CSMD1: variants seen among roughly 807,000 people sequenced by gnomAD.
CSMD1 encodes CUB and sushi domain-containing protein 1.
CSMD1 carries 213 observed loss-of-function variants against 417.5 expected under a neutral mutation model. The ratio of observed to expected loss-of-function variants is 0.51; its 90% CI spans 0.46 to 0.57. CSMD1 has a LOEUF of 0.57. Ranked by LOEUF, CSMD1 falls within the 20% of genes least tolerant of loss-of-function variation. The pLI, the probability that CSMD1 is intolerant of heterozygous loss-of-function variation, is 0.00. For missense variants in CSMD1, 6,923 were observed against 4,529.7 expected (o/e 1.53, Z -15.17); for synonymous variants, 2,862 against 1,736.8 (o/e 1.65, Z -16.11).
At chr8:4,338,869 G>C (rs144292153) in intron 3 of CSMD1, among the ~76,000 whole-genome samples, 1 of 152,022 alleles carries the variant, frequency 6.6e-6, no homozygotes, top group Admixed American at 6.6e-5. Flanking sequence ...AATTATGGAA[G>C]GTTTAGAAGA....
chr8:3,935,673 T>C (rs1225892648), intron 5 of CSMD1, among the ~76,000 whole-genome samples: 3 of 152,190 alleles, frequency 2.0e-5, no homozygotes, highest in Non-Finnish European at 4.4e-5. Flanking sequence ...TAAATGTGTG[T>C]GTTCTGACTG....
chr8:3,643,086 G>A (rs1372261965), intron 7 of CSMD1, among the ~76,000 whole-genome samples: 1 of 152,004 alleles, frequency 6.6e-6, no homozygotes, highest in Non-Finnish European at 1.5e-5. Context: ...GAGGGAGAGA[G>A]ACAGGCATGC....
intron 49 of CSMD1, among the ~76,000 whole-genome samples, chr8:3,081,649 G>A (rs1814105669): frequency 6.6e-6 from 1 of 152,152 alleles, no homozygotes; most frequent in Non-Finnish European, 1.5e-5. Context: ...TTGACCAAAT[G>A]TGAGATACTG....
chr8:3,010,375 T>A (rs1808291196), intron 52 of CSMD1, among the ~76,000 whole-genome samples: 1 of 152,210 alleles, frequency 6.6e-6, no homozygotes, highest in African/African-American at 2.4e-5. Flanking sequence ...TGCATGTGCA[T>A]CAGGACTCAG....
intron 5 of CSMD1, among the ~76,000 whole-genome samples, chr8:3,984,759 GTA>G (rs1814190507): frequency 2.4e-5 from 3 of 124,518 alleles, no homozygotes; most frequent in African/African-American, 8.9e-5. Flanking sequence ...ATATTTGTAT[GTA>G]TTTGTGCGTG....
intron 3 of CSMD1, among the ~76,000 whole-genome samples, chr8:4,115,802 T>C (rs1340699346): frequency 1.3e-5 from 2 of 151,652 alleles, no homozygotes; most frequent in African/African-American, 4.8e-5. Context: ...GGAATGTAAA[T>C]CATATTTCTC....
At chr8:3,527,263 G>A (rs1433592860) in intron 10 of CSMD1, among the ~76,000 whole-genome samples, 1 of 152,148 alleles carries the variant, frequency 6.6e-6, no homozygotes, top group Admixed American at 6.6e-5. Flanking sequence ...GGCGCTGATA[G>A]GGAATTATAA....
intron 3 of CSMD1, among the ~76,000 whole-genome samples, chr8:4,376,977 C>T (rs1802789721): frequency 6.6e-6 from 1 of 152,160 alleles, no homozygotes; most frequent in South Asian, 2.1e-4. Context: ...TGCTGAGCAC[C>T]AGCATGGCAG....
intron 3 of CSMD1, among the ~76,000 whole-genome samples, chr8:4,371,438 G>A (rs771915097): frequency 2.6e-5 from 4 of 152,112 alleles, no homozygotes; most frequent in Non-Finnish European, 4.4e-5. Flanking sequence ...TTTTTAAGGA[G>A]GAAATGGAGC....
chr8:3,708,404 A>C lies in CSMD1; in HGVS notation c.1009+10T>G, dbSNP rs1255597834. The C allele has an allele frequency of 2.5e-6, 4 of 1,612,172 alleles. No individual in the cohort carries two copies. The Admixed American group carries it at 5.0e-5, about 20-fold the overall frequency. The stretch of plus-strand genomic sequence containing the variant: ...GTATCAATCCTCAGATAGAAAGGAA[A>C]GGGACTCACAGACAGAGTTTTTATG... On this transcript the variant is annotated intron_variant, in intron 7 of 69. Transcript: ENST00000635120.
chr8:4,062,027 C>T (rs906676951), intron 3 of CSMD1, among the ~76,000 whole-genome samples: 7 of 152,050 alleles, frequency 4.6e-5, no homozygotes, highest in Non-Finnish European at 8.8e-5. Flanking sequence ...GAGGAGAGCA[C>T]GCAGGTGGTG....
chr8:4,252,560 A>C (rs890477777), intron 3 of CSMD1, among the ~76,000 whole-genome samples: 1 of 152,218 alleles, frequency 6.6e-6, no homozygotes, highest in Non-Finnish European at 1.5e-5. Flanking sequence ...CCTATGACAG[A>C]AACTGCTACT....
intron 4 of CSMD1, among the ~76,000 whole-genome samples, chr8:4,023,049 T>C (rs889509858): frequency 1.3e-5 from 2 of 152,230 alleles, no homozygotes; most frequent in Non-Finnish European, 2.9e-5. Context: ...GATGCTTCCA[T>C]TTCCTGGCTC....
intron 5 of CSMD1, among the ~76,000 whole-genome samples, chr8:3,790,956 G>A (rs185156413): frequency 1.3e-5 from 2 of 152,250 alleles, no homozygotes; most frequent in African/African-American, 4.8e-5. Flanking sequence ...TTAACTCACA[G>A]GAAAGATGGT....
chr8:3,396,658 T>A (rs1310260531), intron 16 of CSMD1, among the ~76,000 whole-genome samples: 2 of 152,172 alleles, frequency 1.3e-5, no homozygotes, highest in Non-Finnish European at 2.9e-5. Context: ...ACAAAAATAC[T>A]ATGAACCAGA....
chr8:4,360,258 T>A (rs10094075), intron 3 of CSMD1, among the ~76,000 whole-genome samples: 12,680 of 152,132 alleles, frequency 0.083, 807 homozygotes, highest in African/African-American at 0.18. Flanking sequence ...TGAACACACA[T>A]CTACCTCCCT....
intron 10 of CSMD1, among the ~76,000 whole-genome samples, chr8:3,545,172 T>C (rs1405488266): frequency 6.6e-6 from 1 of 152,210 alleles, no homozygotes; most frequent in Non-Finnish European, 1.5e-5. Context: ...TAAAGGACTC[T>C]ACACTTAGCA....
At chr8:4,904,416 A>G (rs1296323537) in intron 1 of CSMD1, among the ~76,000 whole-genome samples, 1 of 152,216 alleles carries the variant, frequency 6.6e-6, no homozygotes, top group African/African-American at 2.4e-5. Flanking sequence ...CAAACAACTT[A>G]TATCTCACAA....
At chr8:3,621,991 ATGTGTGTG>A (rs35068961) in intron 7 of CSMD1, among the ~76,000 whole-genome samples, 1 of 142,988 alleles carries the variant, frequency 7.0e-6, no homozygotes, top group South Asian at 2.2e-4. Context: ...GTGTGTGTGT[ATGTGTGTG>A]TGTGTGTGTG....
Sources: allele counts gnomAD v4.1 joint callset (sites outside exome capture counted in the v4.1 genomes callset), GRCh38; gene constraint gnomAD v4.1.1; transcripts MANE v1.5; gene names NCBI Gene and HGNC (gene_info 2026-07-23, HGNC 2026-07-21).